PCDH15: variants seen among roughly 807,000 people sequenced by gnomAD.
PCDH15 encodes protocadherin related 15, also known as protocadherin-15.
A neutral mutation model predicts 178.5 loss-of-function variants in PCDH15; 129 were observed. That is an observed-to-expected ratio of 0.72 (90% CI 0.63 to 0.84). The LOEUF is 0.84. PCDH15 is among the 40% of genes least tolerant of loss of function. The probability of loss-of-function intolerance (pLI) is 0.00; values close to 1 mark genes in which losing one functional copy is unlikely to be tolerated. For synonymous variants in PCDH15, 800 were observed against 732.0 expected (o/e 1.09, Z -1.50); for missense variants, 2,230 against 2,099.9 (o/e 1.06, Z -1.21).
chr10:54,428,859 T>C (rs1375643874), intron 3 of PCDH15, among the ~76,000 whole-genome samples: 1 of 152,152 alleles, frequency 6.6e-6, no homozygotes, highest in Non-Finnish European at 1.5e-5. Flanking sequence ...ATCCAGTAAA[T>C]ATATCCTTTG....
chr10:55,075,957 A>T (rs1332927627), intron 2 of PCDH15, among the ~76,000 whole-genome samples: 1 of 152,128 alleles, frequency 6.6e-6, no homozygotes. Flanking sequence ...TTGTTTCAAA[A>T]TAATATTTGA....
intron 16 of PCDH15, among the ~76,000 whole-genome samples, chr10:54,084,283 A>G (rs931918928): frequency 2.0e-5 from 3 of 151,350 alleles, no homozygotes; most frequent in African/African-American, 7.3e-5. Context: ...CTTCTGTCAA[A>G]TGGGAAAGTG....
intron 4 of PCDH15, among the ~76,000 whole-genome samples, chr10:54,371,855 G>T (rs569493930): frequency 6.6e-6 from 1 of 151,728 alleles, no homozygotes; most frequent in Non-Finnish European, 1.5e-5. Flanking sequence ...TTTCACATTT[G>T]TCTTTGTATA....
chr10:55,547,910 T>TGTGAGAGAGAGA (rs541144266), intron 2 of PCDH15, among the ~76,000 whole-genome samples: 3,581 of 53,954 alleles, frequency 0.066, 240 homozygotes, highest in Non-Finnish European at 0.086. Flanking sequence ...TGTGTGTGTG[T>TGTGAGAGAGAGA]GAGAGAGAGA....
chr10:55,419,622 G>C (rs988371367), intron 2 of PCDH15, among the ~76,000 whole-genome samples: 3 of 151,680 alleles, frequency 2.0e-5, no homozygotes, highest in East Asian at 1.9e-4. Flanking sequence ...CCAAAGTCAC[G>C]TTCATTTAAA....
chr10:54,827,377 C>A (rs187388880), intron 3 of PCDH15, among the ~76,000 whole-genome samples: 4 of 152,170 alleles, frequency 2.6e-5, no homozygotes, highest in Admixed American at 1.3e-4. Flanking sequence ...ATTCAATAAT[C>A]CTAAACTGGG....
At chr10:54,682,835 C>T (rs1462433054) in intron 1 of PCDH15, among the ~76,000 whole-genome samples, 1 of 152,130 alleles carries the variant, frequency 6.6e-6, no homozygotes, top group African/African-American at 2.4e-5. Flanking sequence ...TAATTCTTCT[C>T]TGTTAACCCA....
At chr10:55,032,806 G>A (rs1262955762) in intron 2 of PCDH15, among the ~76,000 whole-genome samples, 1 of 152,134 alleles carries the variant, frequency 6.6e-6, no homozygotes, top group Non-Finnish European at 1.5e-5. Context: ...GGTCCAAAGT[G>A]CCAGGGCCTT....
chr10:54,208,492 A>G (rs1240213579), intron 10 of PCDH15, among the ~76,000 whole-genome samples: 1 of 151,964 alleles, frequency 6.6e-6, no homozygotes, highest in Non-Finnish European at 1.5e-5. Flanking sequence ...GTACCCCAGA[A>G]AGCTCTCTCA....
chr10:54,172,127 G>A (rs960655648), intron 13 of PCDH15, among the ~76,000 whole-genome samples: 1 of 152,146 alleles, frequency 6.6e-6, no homozygotes, highest in Non-Finnish European at 1.5e-5. Context: ...CAGATGGCCT[G>A]AAGTAACTGA....
chr10:54,061,946 C>T (rs550708748), intron 18 of PCDH15, among the ~76,000 whole-genome samples: 3 of 151,850 alleles, frequency 2.0e-5, no homozygotes, highest in East Asian at 1.9e-4. Flanking sequence ...TAAATGAGGC[C>T]GGGTGTGGTG....
intron 2 of PCDH15, among the ~76,000 whole-genome samples, chr10:54,624,516 C>A (rs2093482525): frequency 6.6e-6 from 1 of 152,164 alleles, no homozygotes; most frequent in Non-Finnish European, 1.5e-5. Flanking sequence ...AAACTGGGTT[C>A]AGCTCTGATG....
intron 2 of PCDH15, among the ~76,000 whole-genome samples, chr10:54,938,877 A>G (rs1434019699): frequency 6.6e-6 from 1 of 152,174 alleles, no homozygotes; most frequent in Non-Finnish European, 1.5e-5. Flanking sequence ...TCTGGCTTTG[A>G]AAATGGAGAA....
chr10:55,389,334 AT>A (rs1041772347), intron 2 of PCDH15, among the ~76,000 whole-genome samples: 10 of 151,348 alleles, frequency 6.6e-5, no homozygotes, highest in Admixed American at 6.6e-5. Flanking sequence ...CACTACAGTG[AT>A]TTTTTTTTCA....
intron 25 of PCDH15, among the ~76,000 whole-genome samples, chr10:53,932,807 G>C (rs1260657720): frequency 6.6e-6 from 1 of 152,172 alleles, no homozygotes; most frequent in African/African-American, 2.4e-5. Flanking sequence ...GAGACAATGA[G>C]TATTGCTAGG....
chr10:54,696,432 G>T (rs1388719666), intron 1 of PCDH15, among the ~76,000 whole-genome samples: 2 of 152,100 alleles, frequency 1.3e-5, no homozygotes, highest in African/African-American at 4.8e-5. Flanking sequence ...TGGTGAAGAT[G>T]CCATGAACTC....
At chr10:54,078,869 C>T (rs2094389648) in intron 17 of PCDH15, among the ~76,000 whole-genome samples, 2 of 151,952 alleles carry the variant, frequency 1.3e-5, no homozygotes, top group African/African-American at 2.4e-5. Context: ...ATTCTTACTG[C>T]TACTTACAAA....
chr10:54,165,002 G>A (rs1345242220), intron 13 of PCDH15, among the ~76,000 whole-genome samples: 1 of 152,152 alleles, frequency 6.6e-6, no homozygotes, highest in African/African-American at 2.4e-5. Flanking sequence ...TCACTATTCA[G>A]TGTGATTTCT....
At chr10:54,940,403 AT>A (rs1275797916) in intron 2 of PCDH15, among the ~76,000 whole-genome samples, 1 of 152,048 alleles carries the variant, frequency 6.6e-6, no homozygotes, top group African/African-American at 2.4e-5. Flanking sequence ...ACTTTGTGTG[AT>A]TTCACATATT....
Sources: allele counts gnomAD v4.1 joint callset (sites outside exome capture counted in the v4.1 genomes callset), GRCh38; gene constraint gnomAD v4.1.1; transcripts MANE v1.5; gene names NCBI Gene and HGNC (gene_info 2026-07-23, HGNC 2026-07-21).